Variants in SIPA1L3 observed in about 807,000 individuals in gnomAD.
SIPA1L3 encodes the protein signal-induced proliferation-associated 1-like protein 3.
In SIPA1L3, 59 loss-of-function variants were observed where a neutral mutation model predicts 150.1. That is an observed-to-expected ratio of 0.39 (90% CI 0.32 to 0.49). SIPA1L3 has a LOEUF of 0.49. Among genes scored for constraint, SIPA1L3 ranks in the 20% least tolerant of loss-of-function variants. The pLI is 0.86. For missense variants in SIPA1L3, 2,211 were observed against 2,489.5 expected (o/e 0.89, Z 2.38); for synonymous variants, 1,070 against 1,077.6 (o/e 0.99, Z 0.14).
intron 1 of SIPA1L3, among the ~76,000 whole-genome samples, chr19:37,928,200 G>A (rs1028189487): frequency 1.3e-5 from 2 of 152,118 alleles, no homozygotes; most frequent in Non-Finnish European, 2.9e-5. Flanking sequence ...GCATGGTGAC[G>A]TGATTTGGAT....
At position 38,088,796 on chromosome 19, in the gene SIPA1L3, A is replaced by T; in HGVS notation, c.1610A>T (p.Asp537Val). 6.2e-7 allele frequency: 1 copy of T among 1,614,122 alleles called. No individual in the cohort carries two copies. The highest frequency in any genetic ancestry group is 8.5e-7 in the Non-Finnish European group (1 of 1,180,004). Residue 537 changes from aspartate to valine, a missense_variant, in exon 4 of 22, where the codon GAC becomes GTC. Physicochemically the swap from Asp to Val is radical, Grantham distance 152 (BLOSUM62 -3). Transcript: ENST00000222345. ...AGCATTAAGCGGGAGAAGCTGGAAG[A>T]CCACAAGGAGCACGGACCTCAGTAC... The part of the protein sequence containing the change: ...AVSIKREKLE[D>V]HKEHGPQYQY...
At chr19:37,966,818 T>C (rs2046908090) in intron 1 of SIPA1L3, among the ~76,000 whole-genome samples, 1 of 151,916 alleles carries the variant, frequency 6.6e-6, no homozygotes, top group Non-Finnish European at 1.5e-5. Context: ...AAAACAGGAG[T>C]GCGTGGAGGC....
At chr19:38,078,460 A>G (rs899935819) in intron 2 of SIPA1L3, among the ~76,000 whole-genome samples, 1 of 150,734 alleles carries the variant, frequency 6.6e-6, no homozygotes, top group Non-Finnish European at 1.5e-5. Flanking sequence ...ACACACACAC[A>G]CACACACACA....
At chr19:38,141,469 AC>A in intron 11 of SIPA1L3, 34 bp downstream of exon 11, 1 of 1,584,524 alleles carries the variant, frequency 6.3e-7, no homozygotes, top group Non-Finnish European at 8.5e-7. Context: ...ATACTTCCCA[AC>A]CCCCACCAGC....
chr19:38,002,588 C>T (rs1967831832), intron 1 of SIPA1L3, among the ~76,000 whole-genome samples: 1 of 151,426 alleles, frequency 6.6e-6, no homozygotes, highest in African/African-American at 2.4e-5. Flanking sequence ...CAAAAATTAG[C>T]TGGGAGTGGT....
intron 6 of SIPA1L3, among the ~76,000 whole-genome samples, chr19:38,102,978 T>C (rs1410087184): frequency 1.3e-5 from 2 of 149,964 alleles, no homozygotes. Flanking sequence ...TACAAAAAAA[T>C]TAGCTGGGCG....
At chr19:38,140,724 T>C (rs947867670) in intron 10 of SIPA1L3, among the ~76,000 whole-genome samples, 6 of 151,958 alleles carry the variant, frequency 3.9e-5, no homozygotes, top group African/African-American at 1.5e-4. Context: ...AGCTGGTAAG[T>C]TTCAGACCAT....
At chr19:38,123,687 A>G (rs1408312933) in intron 9 of SIPA1L3, among the ~76,000 whole-genome samples, 2 of 152,156 alleles carry the variant, frequency 1.3e-5, no homozygotes, top group Non-Finnish European at 2.9e-5. Context: ...CACGGCAACC[A>G]TCCGATTTCT....
chr19:38,195,180 A>T (rs1972894744), intron 18 of SIPA1L3, among the ~76,000 whole-genome samples: 1 of 151,936 alleles, frequency 6.6e-6, no homozygotes. Context: ...CACTCAGCAC[A>T]CCAGACCCTC....
intron 2 of SIPA1L3, among the ~76,000 whole-genome samples, chr19:38,053,054 C>T (rs1012491176): frequency 4.6e-5 from 7 of 152,230 alleles, no homozygotes; most frequent in Non-Finnish European, 8.8e-5. Flanking sequence ...TGGCATTGAG[C>T]GGGCAGCTCT....
chr19:38,055,234 C>T (rs1969289616), intron 2 of SIPA1L3, among the ~76,000 whole-genome samples: 1 of 152,106 alleles, frequency 6.6e-6, no homozygotes, highest in Non-Finnish European at 1.5e-5. Flanking sequence ...AACAGGTGGT[C>T]TCTTACACAT....
At chr19:37,948,475 G>GAA (rs879547679) in intron 1 of SIPA1L3, among the ~76,000 whole-genome samples, 1 of 130,906 alleles carries the variant, frequency 7.6e-6, no homozygotes, top group South Asian at 2.4e-4. Flanking sequence ...TTAAAAAAAA[G>GAA]AAAAAAAAAA....
intron 1 of SIPA1L3, among the ~76,000 whole-genome samples, chr19:37,941,847 AG>A (rs1401798277): frequency 6.6e-6 from 1 of 152,204 alleles, no homozygotes; most frequent in East Asian, 1.9e-4. Flanking sequence ...AGAACAATAA[AG>A]GGCTCTACTC....
At chr19:37,908,244 C>T (rs768443325) in intron 1 of SIPA1L3, among the ~76,000 whole-genome samples, 11 of 152,190 alleles carry the variant, frequency 7.2e-5, no homozygotes, top group Non-Finnish European at 1.3e-4. Context: ...ACTTCCCTTC[C>T]TACTACCTCA....
rs1052975837 is a variant in SIPA1L3, at chr19:38,029,097, T to A, written c.-370T>A. 6 of 152,166 alleles carry A rather than the reference T, an allele frequency of 3.9e-5. No homozygotes were observed. The highest frequency in any genetic ancestry group is 2.0e-4 in the Admixed American group (3 of 15,262). 9.4% of individuals were successfully genotyped at this position (152,166 alleles called of 1,614,324 possible). A position where few individuals can be genotyped will look rare whatever the true frequency, so the allele number is the denominator to read the frequency against. On this transcript the variant is annotated 5_prime_UTR_variant, in exon 2 of 22. Transcript: ENST00000222345. ...CTTTTTCCTCCATGTAGATGCACAG[T>A]CTCTGACATCAGCTCTCCTGGGACC... is the stretch of plus-strand genomic sequence containing the variant.
At chr19:38,079,084 G>A (rs1477740885) in intron 2 of SIPA1L3, among the ~76,000 whole-genome samples, 1 of 152,194 alleles carries the variant, frequency 6.6e-6, no homozygotes, top group Non-Finnish European at 1.5e-5. Context: ...TGTAATCCCA[G>A]CACTTTGGGA....
In SIPA1L3 at chr19:38,193,735, C is replaced by T. The variant is rs778147632; in HGVS notation, c.4795C>T (p.Pro1599Ser). The T allele has an allele frequency of 1.9e-6, 3 of 1,570,612 alleles. No individual in the cohort carries two copies. The highest frequency in any genetic ancestry group is 8.6e-7 in the Non-Finnish European group (1 of 1,167,298). The change falls in exon 18 of 22, where the codon CCC becomes TCC. Residue 1599 changes from proline (P) to serine (S), a missense_variant. By Grantham distance (74) the Pro-to-Ser change is moderately conservative. Coordinates refer to ENST00000222345, the MANE Select transcript of SIPA1L3 (RefSeq NM_015073.3). ...QHQHPHPPVG[P>S]GATPAAGSGF... ...CCAGCACCCCCACCCGCCCGTCGGC[C>T]CCGGTGCCACCCCTGCCGCCGGCAG...
chr19:38,000,460 G>A (rs1214947292), intron 1 of SIPA1L3, among the ~76,000 whole-genome samples: 1 of 134,486 alleles, frequency 7.4e-6, no homozygotes, highest in African/African-American at 2.8e-5. Context: ...AGAGTGCACA[G>A]AGTGAGACTC....
At chr19:38,050,025 G>T (rs1969153466) in intron 2 of SIPA1L3, among the ~76,000 whole-genome samples, 1 of 152,152 alleles carries the variant, frequency 6.6e-6, no homozygotes, top group South Asian at 2.1e-4. Flanking sequence ...TTTGAATCCT[G>T]ACCCTGCCAT....
Sources: gnomAD v4.1 joint callset for allele counts (sites outside exome capture counted in the v4.1 genomes callset) on GRCh38, gnomAD v4.1.1 for gene constraint, MANE v1.5 for transcripts, NCBI Gene and HGNC (gene_info 2026-07-23, HGNC 2026-07-21) for gene names.